Variants in P3H1 observed in about 807,000 individuals in gnomAD.
The protein encoded by P3H1 is prolyl 3-hydroxylase 1, also known as growth suppressor 1.
In P3H1, 69 loss-of-function variants were observed where a neutral mutation model predicts 84.0. The ratio of observed to expected loss-of-function variants is 0.82; its 90% CI spans 0.68 to 1.00. The LOEUF (loss-of-function observed/expected upper bound fraction) is 1.00, where lower values mean the gene tolerates loss of function less well. Ranked by LOEUF, P3H1 falls within the 50% of genes least tolerant of loss-of-function variation. P3H1 has a pLI of 0.00. For synonymous variants in P3H1, 366 were observed against 388.8 expected, an observed-to-expected ratio of 0.94 and a Z score of 0.69; for missense variants, 878 against 962.8, an observed-to-expected ratio of 0.91 and a Z score of 1.17.
rs575664473 is a variant in P3H1 at position 42,762,313 on chromosome 1, T to C, written c.618+10A>G. ...GAAAGAAAGAAAGAAGGGGATAAAG[T>C]TTTTTTCACCATATGGGGTTGAGTC... On this transcript the variant is annotated intron_variant, in intron 2 of 14. Transcript: ENST00000296388. The C allele has an allele frequency of 3.0e-5, 49 of 1,610,750 alleles. No individual in the cohort carries two copies. The highest frequency in any genetic ancestry group is 2.0e-4 in the South Asian group (18 of 91,002).
intron 2 of P3H1, 76 bp downstream of exon 2, chr1:42,762,247 G>A: frequency 6.8e-7 from 1 of 1,475,256 alleles, no homozygotes; most frequent in Non-Finnish European, 9.5e-7. Context: ...CTCCAGCCTG[G>A]GTGACAGAGC....
At chr1:42,748,901 A>T (rs754201332) in intron 11 of P3H1, among the ~76,000 whole-genome samples, 1 of 152,200 alleles carries the variant, frequency 6.6e-6, no homozygotes, top group Non-Finnish European at 1.5e-5. Context: ...TGCTCTATGT[A>T]GGCACCGTCA....
rs775492113 is a variant in P3H1, at chr1:42,752,574, G to C, written c.1436C>G (p.Ser479Cys). The C allele has an allele frequency of 1.9e-6, 3 of 1,614,074 alleles. No individual in the cohort carries two copies. Among genetic ancestry groups the C allele is most frequent in the African/African-American group, 2.7e-5 (2 of 74,938 alleles). The change falls in exon 9 of 15, where the codon TCT (serine) becomes TGT (cysteine). Residue 479 changes from serine (S) to cysteine (C), a missense_variant. Transcript: ENST00000296388. ...SQRVVMDGVI[S>C]DHECQELQRL... is the part of the protein sequence containing the mutation. ...CTGCAGCTCCTGACACTCGTGGTCA[G>C]AGATTACGCCGTCCATCACCACCCG...
At chr1:42,759,501 G>A (rs1404796157) in intron 2 of P3H1, 111 bp from the exon 3 acceptor site, 15 of 869,800 alleles carry the variant, frequency 1.7e-5, no homozygotes, top group Non-Finnish European at 2.6e-5. Context: ...GGTTATGGAT[G>A]GAAAGGGGTG....
At chr1:42,760,264 A>C (rs1023082512) in intron 2 of P3H1, 20 of 150,686 alleles carry the variant, frequency 1.3e-4, no homozygotes, top group African/African-American at 4.9e-4. Flanking sequence ...GATTACAGGC[A>C]TGAGCCACCG....
At chr1:42,747,498 C>A in intron 13 of P3H1, 86 bp from the exon 14 acceptor site, 4 of 1,349,690 alleles carry the variant, frequency 3.0e-6, no homozygotes, top group Non-Finnish European at 4.2e-6. Context: ...TTAGGGCTCA[C>A]GACCGAGGGC....
chr1:42,749,962 C>A, intron 11 of P3H1: 1 of 573,070 alleles, frequency 1.7e-6, no homozygotes, highest in Non-Finnish European at 3.1e-6. Context: ...TCTGGCTGCA[C>A]CCCATTTCCC....
intron 11 of P3H1, 90 bp from the exon 12 acceptor site, chr1:42,748,407 G>T: frequency 1.0e-6 from 1 of 980,150 alleles, no homozygotes; most frequent in Non-Finnish European, 1.6e-6. Context: ...CCCAAAATGT[G>T]TTTGAGTCTA....
chr1:42,757,995 C>CA, intron 4 of P3H1, 73 bp from the exon 5 acceptor site: 1 of 1,390,772 alleles, frequency 7.2e-7, no homozygotes, highest in Admixed American at 1.7e-5. Context: ...CACCAGGGAC[C>CA]ACTTAGTGTT....
chr1:42,765,379 C>T (rs1652935049), intron 1 of P3H1, among the ~76,000 whole-genome samples: 1 of 152,164 alleles, frequency 6.6e-6, no homozygotes, highest in African/African-American at 2.4e-5. Flanking sequence ...AAGTATATGC[C>T]CTTGCAGTAG....
At chr1:42,762,567 C>T in intron 1 of P3H1, 92 bp from the exon 2 acceptor site, 1 of 1,409,836 alleles carries the variant, frequency 7.1e-7, no homozygotes, top group South Asian at 1.2e-5. Context: ...CAGGAAATCC[C>T]TGCCTCCCTG....
intron 1 of P3H1, among the ~76,000 whole-genome samples, chr1:42,763,956 T>C (rs1002356116): frequency 6.7e-6 from 1 of 149,892 alleles, no homozygotes; most frequent in Non-Finnish European, 1.5e-5. Flanking sequence ...CAGCGGATCA[T>C]GAGGTCAGGA....
At chr1:42,756,405 G>A (rs939665893) in intron 5 of P3H1, 1 of 154,258 alleles carries the variant, frequency 6.5e-6, no homozygotes, top group Non-Finnish European at 1.5e-5. Context: ...GCTTACCCAG[G>A]GCAGGGAAAC....
chr1:42,766,397 A>T, intron 1 of P3H1, 110 bp downstream of exon 1: 1 of 1,015,156 alleles, frequency 9.9e-7, no homozygotes, highest in Non-Finnish European at 1.5e-6. Flanking sequence ...CCAGGAGGCC[A>T]CTTTCCCCTC....
intron 4 of P3H1, among the ~76,000 whole-genome samples, chr1:42,758,452 G>A (rs2124138115): frequency 6.6e-6 from 1 of 152,312 alleles, no homozygotes; most frequent in East Asian, 1.9e-4. Context: ...TAGGGACTCT[G>A]CAAAGAGTTG....
intron 14 of P3H1, 55 bp from the exon 15 acceptor site, chr1:42,746,907 A>G: frequency 6.2e-7 from 1 of 1,614,110 alleles, no homozygotes; most frequent in Non-Finnish European, 8.5e-7. Flanking sequence ...GACACTCGCT[A>G]TCTCTCAGCT....
chr1:42,755,303 A>G, intron 6 of P3H1, 86 bp from the exon 7 acceptor site: 1 of 1,311,520 alleles, frequency 7.6e-7, no homozygotes. Flanking sequence ...GGCCCACAGG[A>G]GTAATCCAGC....
In P3H1 at chr1:42,766,972, C is replaced by A. The variant is rs1299710062; in HGVS notation, c.-1G>T. Reference sequence around the variant, plus strand: ...GCAGCTTCAACGCGCGTACCGCCATCGCTCCCTCAGACCTAACGGAACCGC... The same window carrying A: ...GCAGCTTCAACGCGCGTACCGCCATAGCTCCCTCAGACCTAACGGAACCGC... On this transcript the variant is annotated 5_prime_UTR_variant, in exon 1 of 15. Coordinates refer to ENST00000296388, the MANE Select transcript of P3H1 (RefSeq NM_022356.4). The A allele has an allele frequency of 1.9e-6, 3 of 1,607,534 alleles. No individual in the cohort carries two copies. Among genetic ancestry groups the A allele is most frequent in the East Asian group, 2.2e-5 (1 of 44,876 alleles).
intron 6 of P3H1, 59 bp downstream of exon 6, chr1:42,755,489 A>G (rs953365194): frequency 7.2e-6 from 10 of 1,396,478 alleles, no homozygotes; most frequent in South Asian, 3.5e-5. Context: ...CCTCCTCCCC[A>G]TTCATCTCTC....
Sources: allele counts gnomAD v4.1 joint callset (sites outside exome capture counted in the v4.1 genomes callset), GRCh38; gene constraint gnomAD v4.1.1; transcripts MANE v1.5; gene names NCBI Gene and HGNC (gene_info 2026-07-23, HGNC 2026-07-21).